MID1: variants seen among roughly 807,000 people sequenced by gnomAD.
MID1 encodes the protein midline 1.
MID1 carries 7 observed loss-of-function variants against 40.4 expected under a neutral mutation model. The observed-to-expected ratio is 0.17, with a 90% CI of 0.10 to 0.33. The LOEUF is 0.33. MID1 is among the 10% of genes least tolerant of loss of function. The probability of loss-of-function intolerance (pLI) is 1.00; values close to 1 mark genes in which losing one functional copy is unlikely to be tolerated. For missense variants in MID1, 367 were observed against 558.5 expected, an observed-to-expected ratio of 0.66 and a Z score of 3.46; for synonymous variants, 229 against 221.2, an observed-to-expected ratio of 1.04 and a Z score of -0.31.
chrX:10,722,283 C>T (rs1408206080), intron 1 of MID1, among the ~76,000 whole-genome samples: 2 of 111,853 alleles, frequency 1.8e-5, no homozygotes, highest in African/African-American at 6.5e-5. Flanking sequence ...TATAAAGACA[C>T]GGCAAATTAT....
At chrX:10,487,278 T>G (rs1408966425) in intron 4 of MID1, among the ~76,000 whole-genome samples, 2 of 112,071 alleles carry the variant, frequency 1.8e-5, no homozygotes, top group Non-Finnish European at 3.8e-5. Context: ...AACATGTTTA[T>G]GTACACATAC....
At chrX:10,791,539 G>T (rs191834307) in intron 1 of MID1, among the ~76,000 whole-genome samples, 3 of 112,093 alleles carry the variant, frequency 2.7e-5, no homozygotes, top group African/African-American at 9.7e-5. Flanking sequence ...TCTCAGCCCA[G>T]ATAAAAGGGG....
chrX:10,724,456 A>G (rs2043377262), intron 1 of MID1, among the ~76,000 whole-genome samples: 2 of 111,860 alleles, frequency 1.8e-5, no homozygotes, highest in Non-Finnish European at 3.8e-5. Flanking sequence ...AGGAGCTTAT[A>G]ATCTAAGAAA....
chrX:10,669,088 G>A (rs2042969763), intron 1 of MID1, among the ~76,000 whole-genome samples: 1 of 106,291 alleles, frequency 9.4e-6, no homozygotes, highest in Non-Finnish European at 1.9e-5. Flanking sequence ...GCGCGGTGGC[G>A]GGCGCCTGTA....
chrX:10,568,466 A>G (rs1934633347), intron 1 of MID1, among the ~76,000 whole-genome samples: 1 of 111,650 alleles, frequency 9.0e-6, no homozygotes, highest in African/African-American at 3.3e-5. Flanking sequence ...GTGATAAGTT[A>G]TGTTATGACA....
intron 3 of MID1, among the ~76,000 whole-genome samples, chrX:10,500,820 A>C (rs1248847826): frequency 8.9e-6 from 1 of 112,000 alleles, no homozygotes; most frequent in Non-Finnish European, 1.9e-5. Context: ...GGGCCAATCT[A>C]AGGATGCAGA....
At chrX:10,820,851 G>A (rs959536794) in intron 1 of MID1, among the ~76,000 whole-genome samples, 1 of 112,292 alleles carries the variant, frequency 8.9e-6, no homozygotes, top group Admixed American at 9.5e-5. Flanking sequence ...CTAACACACC[G>A]TGTCAAACTC....
In MID1 at chrX:10,754,309, G is replaced by GTTTTTTTTTTTTTTTTT. The variant is rs200251008; in HGVS notation, c.-187+79244_-187+79245insAAAAAAAAAAAAAAAAA. On this transcript the variant is annotated intron_variant, in intron 1 of 10. Coordinates refer to the MID1 transcript ENST00000380785. The stretch of plus-strand genomic sequence containing the variant: ...AGAATAGACAAGAGAGTTTTTTTTT[G>GTTTTTTTTTTTTTTTTT]TTTTTTGTTTTTTGTTTTTTTTGTC... Among the ~76,000 whole-genome samples, 56 of 104,562 alleles carry GTTTTTTTTTTTTTTTTT rather than the reference G, an allele frequency of 5.4e-4. 3 individuals are homozygous for GTTTTTTTTTTTTTTTTT. The highest frequency in any genetic ancestry group is 2.1e-3 in the African/African-American group (53 of 25,091). 90.8% of individuals were successfully genotyped at this position (104,562 alleles called of 115,157 possible).
chrX:10,722,747 A>C (rs2043365330), intron 1 of MID1, among the ~76,000 whole-genome samples: 1 of 112,095 alleles, frequency 8.9e-6, no homozygotes, highest in Non-Finnish European at 1.9e-5. Flanking sequence ...CTGAAATTTA[A>C]GTTTCCGGGC....
intron 1 of MID1, among the ~76,000 whole-genome samples, chrX:10,822,884 T>A (rs1257463467): frequency 8.9e-6 from 1 of 111,945 alleles, no homozygotes; most frequent in Non-Finnish European, 1.9e-5. Flanking sequence ...GGAGTGTAAA[T>A]TAGTTCAACC....
intron 1 of MID1, among the ~76,000 whole-genome samples, chrX:10,672,516 G>A (rs964490342): frequency 9.0e-6 from 1 of 110,658 alleles, no homozygotes; most frequent in Non-Finnish European, 1.9e-5. Context: ...GCAATGTGAC[G>A]AATGAAGCAG....
intron 2 of MID1, among the ~76,000 whole-genome samples, chrX:10,560,722 G>A (rs779791972): frequency 1.2e-4 from 13 of 111,012 alleles, no homozygotes; most frequent in Non-Finnish European, 2.3e-4. Context: ...AAATAAGAGA[G>A]GACACAAACA....
intron 2 of MID1, among the ~76,000 whole-genome samples, chrX:10,533,327 G>GGAAAGAAA (rs35811442): frequency 0.048 from 2,281 of 47,496 alleles, 124 homozygotes; most frequent in East Asian, 0.084. Flanking sequence ...AAGAAAGAAA[G>GGAAAGAAA]GAAAGAAAGA....
At chrX:10,784,084 G>A (rs1376828544) in intron 1 of MID1, among the ~76,000 whole-genome samples, 1 of 111,301 alleles carries the variant, frequency 9.0e-6, no homozygotes, top group Non-Finnish European at 1.9e-5. Context: ...ACTTTATCCC[G>A]TTTTTACATA....
chrX:10,705,297 G>A lies in MID1; in HGVS notation c.-186-84878C>T, dbSNP rs144047546. 8.5e-4 allele frequency among the ~76,000 whole-genome samples: 95 copies of A among 111,850 alleles called. 1 individual carries two copies. The East Asian group carries it at 0.023, about 28-fold the overall frequency. ...GTCAATGTAAGTTTTATGGTATTCT[G>A]GGATTAACTTTTTGCATCTTAAAAA... On this transcript the variant is annotated intron_variant, in intron 1 of 10. Transcript: ENST00000380785.
chrX:10,676,385 G>A (rs2043023443), intron 1 of MID1, among the ~76,000 whole-genome samples: 2 of 111,782 alleles, frequency 1.8e-5, no homozygotes, highest in African/African-American at 6.5e-5. Context: ...CAGGACGTCC[G>A]CAGAGTCACT....
At chrX:10,628,280 G>A (rs1176111497) in intron 1 of MID1, among the ~76,000 whole-genome samples, 1 of 110,231 alleles carries the variant, frequency 9.1e-6, no homozygotes, top group African/African-American at 3.3e-5. Context: ...ATGCAAACAT[G>A]GGTATCAGTG....
At chrX:10,596,648 A>C (rs1569122005) in intron 1 of MID1, among the ~76,000 whole-genome samples, 1 of 111,615 alleles carries the variant, frequency 9.0e-6, no homozygotes, top group Non-Finnish European at 1.9e-5. Flanking sequence ...GGGCTACAAA[A>C]TGTCAAGTTC....
At chrX:10,755,329 C>T (rs886751871) in intron 1 of MID1, among the ~76,000 whole-genome samples, 2 of 110,999 alleles carry the variant, frequency 1.8e-5, no homozygotes, top group African/African-American at 6.6e-5. Flanking sequence ...TTCATTTTCC[C>T]GTATATAGAT....
Sources: allele counts gnomAD v4.1 joint callset (sites outside exome capture counted in the v4.1 genomes callset), GRCh38; gene constraint gnomAD v4.1.1; transcripts MANE v1.5; gene names NCBI Gene and HGNC (gene_info 2026-07-23, HGNC 2026-07-21).